ADAMTS6: variants seen among roughly 807,000 people sequenced by gnomAD.
ADAMTS6 encodes ADAM metallopeptidase with thrombospondin type 1 motif 6, also known as A disintegrin and metalloproteinase with thrombospondin motifs 6.
In ADAMTS6, 23 loss-of-function variants were observed where a neutral mutation model predicts 144.3. That is an observed-to-expected ratio of 0.16 (90% confidence interval 0.11 to 0.23). ADAMTS6 has a LOEUF of 0.23. Among genes scored for constraint, ADAMTS6 ranks in the 10% least tolerant of loss-of-function variants. The pLI is 1.00. For missense variants in ADAMTS6, 999 were observed against 1,379.6 expected, an observed-to-expected ratio of 0.72 and a Z score of 4.37; for synonymous variants, 444 against 457.5, an observed-to-expected ratio of 0.97 and a Z score of 0.38.
At chr5:65,236,559 T>C (rs1431309466) in intron 15 of ADAMTS6, among the ~76,000 whole-genome samples, 1 of 152,132 alleles carries the variant, frequency 6.6e-6, no homozygotes, top group Non-Finnish European at 1.5e-5. Context: ...AGTGCTGAGA[T>C]TACAGGCATG....
rs376409087 is a variant in ADAMTS6 at position 65,148,803 on chromosome 5, G to A, written c.*3033C>T. On this transcript the variant is annotated 3_prime_UTR_variant, in exon 25 of 25. Coordinates refer to ENST00000381055, the MANE Select transcript of ADAMTS6 (RefSeq NM_197941.4). ...ATGTCAAAAAAATTCTGTGCCTGGC[G>A]TGGAATTTCACTCCATCAAGTGTTA... is the stretch of plus-strand genomic sequence containing the variant. The A allele has an allele frequency of 2.6e-5, 4 of 152,426 alleles. No homozygotes were observed. The highest frequency in any genetic ancestry group is 5.9e-5 in the Non-Finnish European group (4 of 68,024). 9.4% of individuals were successfully genotyped at this position (152,426 alleles called of 1,614,324 possible).
intron 7 of ADAMTS6, among the ~76,000 whole-genome samples, chr5:65,403,806 T>C (rs1312728954): frequency 6.6e-6 from 1 of 152,122 alleles, no homozygotes; most frequent in African/African-American, 2.4e-5. Flanking sequence ...CTTCATGGAT[T>C]TATCACTACG....
At chr5:65,421,946 C>CA (rs1232010462) in intron 7 of ADAMTS6, among the ~76,000 whole-genome samples, 2 of 151,924 alleles carry the variant, frequency 1.3e-5, no homozygotes, top group Admixed American at 1.3e-4. Context: ...GCAACAAAAA[C>CA]AAAAATAAAT....
chr5:65,365,577 G>C (rs1165988683), intron 7 of ADAMTS6, among the ~76,000 whole-genome samples: 2 of 151,784 alleles, frequency 1.3e-5, no homozygotes, highest in African/African-American at 4.8e-5. Flanking sequence ...AACCTGGGAG[G>C]CGGAGGTTTC....
At chr5:65,457,832 T>C (rs1387513270) in intron 4 of ADAMTS6, among the ~76,000 whole-genome samples, 1 of 148,840 alleles carries the variant, frequency 6.7e-6, no homozygotes, top group Non-Finnish European at 1.5e-5. Context: ...GTTCAAGCAA[T>C]TCTCCTGCCT....
At chr5:65,415,940 G>A (rs1755470489) in intron 7 of ADAMTS6, 2 of 181,972 alleles carry the variant, frequency 1.1e-5, no homozygotes, top group South Asian at 2.0e-4. Context: ...CTGTGCCCAG[G>A]GGCACTGGGA....
rs1481683013 is a variant in ADAMTS6 at position 65,151,686 on chromosome 5, A to C, written c.*150T>G. On this transcript the variant is annotated 3_prime_UTR_variant, in exon 25 of 25. Transcript: ENST00000381055. Reference sequence around the variant, plus strand: ...CTTCACAGAAGCTAAAATAATATTGAAATTTTGTCAGCTAGGGCTGACCAG... The same window carrying C: ...CTTCACAGAAGCTAAAATAATATTGCAATTTTGTCAGCTAGGGCTGACCAG... 4 of 582,884 alleles carry C rather than the reference A, an allele frequency of 6.9e-6. No individual in the cohort carries two copies. In the African/African-American group the frequency reaches 7.4e-5, roughly 11 times the overall value. 36.1% of individuals were successfully genotyped at this position (582,884 alleles called of 1,614,324 possible).
At chr5:65,312,245 T>A (rs781657372) in intron 9 of ADAMTS6, among the ~76,000 whole-genome samples, 4 of 151,814 alleles carry the variant, frequency 2.6e-5, no homozygotes, top group Non-Finnish European at 5.9e-5. Context: ...ATCTCAAAGT[T>A]AAGCTTTCCC....
chr5:65,322,372 T>C (rs757292253), intron 9 of ADAMTS6, among the ~76,000 whole-genome samples: 1 of 152,180 alleles, frequency 6.6e-6, no homozygotes, highest in Non-Finnish European at 1.5e-5. Flanking sequence ...TTCGGTTCCA[T>C]ATGAATTTTA....
chr5:65,398,812 GAAAGAAAGAA>G (rs1753631139), intron 7 of ADAMTS6, among the ~76,000 whole-genome samples: 2 of 114,152 alleles, frequency 1.8e-5, no homozygotes, highest in African/African-American at 8.0e-5. Context: ...AAGAAAGAAA[GAAAGAAAGAA>G]AGAAAGAAAG....
intron 12 of ADAMTS6, among the ~76,000 whole-genome samples, chr5:65,268,274 A>C (rs922634124): frequency 6.6e-6 from 1 of 152,198 alleles, no homozygotes; most frequent in African/African-American, 2.4e-5. Context: ...TCTATTGGCT[A>C]TAAGCCAGTA....
chr5:65,380,792 T>C (rs76485756), intron 7 of ADAMTS6, among the ~76,000 whole-genome samples: 1 of 152,190 alleles, frequency 6.6e-6, no homozygotes, highest in Non-Finnish European at 1.5e-5. Flanking sequence ...TCTCATTGGT[T>C]TGTAAGTTTT....
chr5:65,281,947 G>T (rs1004678741), intron 11 of ADAMTS6, among the ~76,000 whole-genome samples: 2 of 151,848 alleles, frequency 1.3e-5, no homozygotes, highest in African/African-American at 4.8e-5. Flanking sequence ...CTAAAAAATG[G>T]GAAGAGAAAC....
chr5:65,277,999 A>C lies in ADAMTS6; in HGVS notation c.1513-4552T>G, dbSNP rs61110311. Among the ~76,000 whole-genome samples, 562 of 111,762 alleles carry C rather than the reference A, an allele frequency of 5.0e-3. 3 individuals are homozygous for C. The highest frequency in any genetic ancestry group is 0.018 in the African/African-American group (523 of 28,360). 73.3% of individuals were successfully genotyped at this position (111,762 alleles called of 152,430 possible). On this transcript the variant is annotated intron_variant, in intron 11 of 24. Coordinates refer to ENST00000381055, the MANE Select transcript of ADAMTS6 (RefSeq NM_197941.4). ...TAGACCCCTCCCACCCTCCCCCTTG[A>C]GTCTCTAAAGTCCATTATATCACTC...
chr5:65,241,291 C>T (rs981535738), intron 15 of ADAMTS6, among the ~76,000 whole-genome samples: 10 of 134,240 alleles, frequency 7.4e-5, no homozygotes, highest in African/African-American at 2.9e-4. Flanking sequence ...AGTGCAGTGG[C>T]GTGATCTTGG....
chr5:65,387,391 T>G (rs1322638108), intron 7 of ADAMTS6, among the ~76,000 whole-genome samples: 1 of 152,222 alleles, frequency 6.6e-6, no homozygotes, highest in Admixed American at 6.5e-5. Flanking sequence ...TTTTAAAATT[T>G]TGTAATTCTA....
intron 21 of ADAMTS6, among the ~76,000 whole-genome samples, chr5:65,194,148 T>G (rs891998638): frequency 3.3e-5 from 5 of 152,232 alleles, no homozygotes; most frequent in South Asian, 2.1e-4. Context: ...ATGATTTCTA[T>G]CTCTATAATA....
chr5:65,219,632 C>T (rs956601657), intron 18 of ADAMTS6, among the ~76,000 whole-genome samples: 1 of 152,154 alleles, frequency 6.6e-6, no homozygotes, highest in Non-Finnish European at 1.5e-5. Context: ...TGATCTCAAA[C>T]TCCTAAGCTC....
At chr5:65,293,554 T>C (rs1277780602) in intron 10 of ADAMTS6, among the ~76,000 whole-genome samples, 1 of 95,524 alleles carries the variant, frequency 1.0e-5, no homozygotes, top group Non-Finnish European at 2.3e-5. Flanking sequence ...AGAATAGATA[T>C]CCTGAGGAAA....
Sources: gnomAD v4.1 joint callset for allele counts (sites outside exome capture counted in the v4.1 genomes callset) on GRCh38, gnomAD v4.1.1 for gene constraint, MANE v1.5 for transcripts, NCBI Gene and HGNC (gene_info 2026-07-23, HGNC 2026-07-21) for gene names.